The following PTP4A3 variants were observed in gnomAD, a reference collection of about 807,000 sequenced individuals.
The protein encoded by PTP4A3 is protein tyrosine phosphatase 4A3.
PTP4A3 carries 9 observed loss-of-function variants against 15.2 expected under a neutral mutation model. The ratio of observed to expected loss-of-function variants is 0.59; its 90% CI spans 0.36 to 1.03. The LOEUF is 1.03. PTP4A3 is among the 50% of genes least tolerant of loss of function. PTP4A3 has a pLI of 0.02. For synonymous variants in PTP4A3, 95 were observed against 102.0 expected, an observed-to-expected ratio of 0.93 and a Z score of 0.41; for missense variants, 234 against 252.1, an observed-to-expected ratio of 0.93 and a Z score of 0.49.
intron 2 of PTP4A3, among the ~76,000 whole-genome samples, chr8:141,422,548 G>A (rs1833384960): frequency 6.6e-6 from 1 of 152,180 alleles, no homozygotes; most frequent in Non-Finnish European, 1.5e-5. Flanking sequence ...TGAGGGTGTT[G>A]GGGGATCAAC....
chr8:141,399,393 A>T (rs1010834521), intron 1 of PTP4A3, among the ~76,000 whole-genome samples: 3 of 151,456 alleles, frequency 2.0e-5, no homozygotes, highest in Admixed American at 2.0e-4. Context: ...CCAGAGGCCC[A>T]TCTGCTGGGA....
At chr8:141,414,571 G>A (rs906317926) in intron 1 of PTP4A3, among the ~76,000 whole-genome samples, 2 of 151,142 alleles carry the variant, frequency 1.3e-5, no homozygotes, top group Middle Eastern at 3.4e-3. Context: ...AGAGGTTCGG[G>A]CAGGTGGCTG....
intron 1 of PTP4A3, among the ~76,000 whole-genome samples, chr8:141,393,753 A>G (rs1426767611): frequency 1.3e-5 from 2 of 152,126 alleles, no homozygotes; most frequent in Non-Finnish European, 2.9e-5. Flanking sequence ...AGCCCAGAAC[A>G]TGGTGAGGGT....
In PTP4A3 at chr8:141,413,158, G is replaced by A. The variant is rs1254238772; in HGVS notation, c.-853-8230G>A. 2.6e-5 allele frequency among the ~76,000 whole-genome samples: 4 copies of A among 152,292 alleles called. No individual in the cohort carries two copies. In the South Asian group the frequency reaches 8.3e-4, roughly 32 times the overall value. On this transcript the variant is annotated intron_variant, in intron 1 of 5. Coordinates refer to ENST00000521578, the MANE Select transcript of PTP4A3 (RefSeq NM_032611.3). Reference sequence around the variant, plus strand: ...AAGGGGTAGGGGCTGTGCCTGGTGTGCCAGGGAGGCCCTGAACTCTCCGGG... The same window carrying A: ...AAGGGGTAGGGGCTGTGCCTGGTGTACCAGGGAGGCCCTGAACTCTCCGGG...
At chr8:141,393,685 G>A (rs977344942) in intron 1 of PTP4A3, among the ~76,000 whole-genome samples, 7 of 152,346 alleles carry the variant, frequency 4.6e-5, no homozygotes, top group Middle Eastern at 3.4e-3. Flanking sequence ...GGAAGCTTGC[G>A]CTGACCACTG....
intron 1 of PTP4A3, among the ~76,000 whole-genome samples, chr8:141,411,154 C>T (rs1287372433): frequency 6.6e-6 from 1 of 152,204 alleles, no homozygotes; most frequent in Admixed American, 6.5e-5. Context: ...GAGCTGAAGA[C>T]AGTGGCCGAG....
intron 1 of PTP4A3, among the ~76,000 whole-genome samples, chr8:141,411,467 C>T (rs908840034): frequency 6.6e-6 from 1 of 152,212 alleles, no homozygotes; most frequent in Non-Finnish European, 1.5e-5. Flanking sequence ...TCAGTGGCGC[C>T]GTGTGCACTG....
chr8:141,392,796 G>C (rs896583719), intron 1 of PTP4A3, among the ~76,000 whole-genome samples: 2 of 152,210 alleles, frequency 1.3e-5, no homozygotes, highest in African/African-American at 4.8e-5. Flanking sequence ...CACCCTGCCG[G>C]TTCCCGGAGG....
intron 3 of PTP4A3, 69 bp from the exon 4 acceptor site, chr8:141,426,870 G>T (rs201539830): frequency 1.9e-6 from 3 of 1,553,888 alleles, no homozygotes; most frequent in African/African-American, 2.7e-5. Context: ...CCCTTTCCTC[G>T]CCTGAGCCCC....
Position 141,403,832 on chromosome 8 carries a change from C to T in PTP4A3, c.-854+11748C>T, listed in dbSNP as rs372187673. Among the ~76,000 whole-genome samples, 17 of 152,390 alleles carry T rather than the reference C, an allele frequency of 1.1e-4. No individual in the cohort carries two copies. The South Asian group carries it at 2.1e-3, about 19-fold the overall frequency. ...CACTTCAAAATCAAACGATCACAAACGTGGCGGCTTCCTGTATTGCCACGC... is the reference window on the plus strand; with the variant it reads ...CACTTCAAAATCAAACGATCACAAATGTGGCGGCTTCCTGTATTGCCACGC... On this transcript the variant is annotated intron_variant, in intron 1 of 5. Coordinates refer to ENST00000521578, the MANE Select transcript of PTP4A3 (RefSeq NM_032611.3).
intron 1 of PTP4A3, among the ~76,000 whole-genome samples, chr8:141,419,233 G>A (rs1002088614): frequency 2.0e-5 from 3 of 152,204 alleles, no homozygotes; most frequent in Admixed American, 2.0e-4. Flanking sequence ...TCCAGGCCAC[G>A]TGCTGGTGCC....
chr8:141,430,013 G>A (rs7820977), intron 5 of PTP4A3, among the ~76,000 whole-genome samples: 13 of 28,446 alleles, frequency 4.6e-4, no homozygotes, highest in South Asian at 1.6e-3. Context: ...CAGGGTGAGC[G>A]CACAGTCTGG....
intron 1 of PTP4A3, among the ~76,000 whole-genome samples, chr8:141,394,265 G>C (rs1832380611): frequency 6.6e-6 from 1 of 151,518 alleles, no homozygotes; most frequent in Non-Finnish European, 1.5e-5. Context: ...CAGAGGGGCT[G>C]AGCTGGGAGC....
At chr8:141,424,324 G>A (rs531512369) in intron 2 of PTP4A3, among the ~76,000 whole-genome samples, 4 of 152,264 alleles carry the variant, frequency 2.6e-5, no homozygotes, top group African/African-American at 7.2e-5. Flanking sequence ...TATAACTATC[G>A]GCCTGGCTGT....
At chr8:141,404,872 C>T (rs1391878742) in intron 1 of PTP4A3, among the ~76,000 whole-genome samples, 1 of 152,180 alleles carries the variant, frequency 6.6e-6, no homozygotes, top group African/African-American at 2.4e-5. Context: ...ATATAAAGGG[C>T]ATGGAGCAGC....
In PTP4A3 at chr8:141,425,056, G is replaced by C; in HGVS notation, c.114G>C (p.Lys38Asn). 6.2e-7 allele frequency: 1 copy of C among 1,613,032 alleles called. No homozygotes were observed. Among genetic ancestry groups the C allele is most frequent in the Non-Finnish European group, 8.5e-7 (1 of 1,179,726 alleles). ...ATLSTFIEDL[K>N]KYGATTVVRV... ...CGTCCTCCCACCCCCAGGACCTGAAGAAGTACGGGGCTACCACTGTGGTGC... is the reference window on the plus strand; with the variant it reads ...CGTCCTCCCACCCCCAGGACCTGAACAAGTACGGGGCTACCACTGTGGTGC... The change falls in exon 3 of 6, where the codon AAG becomes AAC. Residue 38 changes from lysine to asparagine, a missense_variant. Physicochemically the swap from Lys to Asn is moderately conservative, Grantham distance 94. Transcript: ENST00000521578. This position sits in a 1 kb window ranked among gnomAD's most constrained non-coding sequence, Gnocchi z 4.2.
chr8:141,418,254 C>T (rs1384592928), intron 1 of PTP4A3, among the ~76,000 whole-genome samples: 1 of 152,246 alleles, frequency 6.6e-6, no homozygotes, highest in Non-Finnish European at 1.5e-5. Context: ...GAGCCCCGGG[C>T]CTCCAGCCTC....
chr8:141,392,958 C>T (rs2129743580), intron 1 of PTP4A3, among the ~76,000 whole-genome samples: 1 of 152,232 alleles, frequency 6.6e-6, no homozygotes, highest in South Asian at 2.1e-4. Flanking sequence ...TGCCTGCGGG[C>T]TCTGGGGTGT....
At position 141,425,038 on chromosome 8, in the gene PTP4A3, C is replaced by T. The variant is rs1833502844; in HGVS notation, c.106-10C>T. 1.2e-6 allele frequency: 2 copies of T among 1,610,878 alleles called. No homozygotes were observed. The highest frequency in any genetic ancestry group is 1.3e-5 in the African/African-American group (1 of 74,968). ...GCCCAGCCCTGCCTCCTCCGTCCTC[C>T]CACCCCCAGGACCTGAAGAAGTACG... is the stretch of plus-strand genomic sequence containing the variant. On this transcript the variant is annotated splice_polypyrimidine_tract_variant and intron_variant, in intron 2 of 5. Transcript: ENST00000521578. The surrounding 1 kb of genome is among the most constrained non-coding windows in gnomAD (Gnocchi z 4.2).
Sources: allele counts gnomAD v4.1 joint callset (sites outside exome capture counted in the v4.1 genomes callset), GRCh38; gene constraint gnomAD v4.1.1; non-coding constraint Gnocchi (gnomAD v3.1); transcripts MANE v1.5; gene names NCBI Gene and HGNC (gene_info 2026-07-23, HGNC 2026-07-21).